Variants in CSMD1 observed in about 807,000 individuals in gnomAD.
CSMD1 encodes the protein CUB and Sushi multiple domains 1, also known as CUB and sushi domain-containing protein 1.
CSMD1 carries 213 observed loss-of-function variants against 417.5 expected under a neutral mutation model. The observed-to-expected ratio is 0.51, with a 90% CI of 0.46 to 0.57. The LOEUF is 0.57. Ranked by LOEUF, CSMD1 falls within the 20% of genes least tolerant of loss-of-function variation. The pLI is 0.00. For synonymous variants in CSMD1, 2,862 were observed against 1,736.8 expected, an observed-to-expected ratio of 1.65 and a Z score of -16.11; for missense variants, 6,923 against 4,529.7, an observed-to-expected ratio of 1.53 and a Z score of -15.17.
intron 5 of CSMD1, among the ~76,000 whole-genome samples, chr8:3,787,348 G>C (rs1035193357): frequency 6.6e-6 from 1 of 152,150 alleles, no homozygotes; most frequent in African/African-American, 2.4e-5. Flanking sequence ...GTTCAATGTT[G>C]ATGCCATTTT....
At chr8:3,196,691 G>C (rs1038468321) in intron 33 of CSMD1, among the ~76,000 whole-genome samples, 9 of 152,268 alleles carry the variant, frequency 5.9e-5, no homozygotes, top group African/African-American at 2.2e-4. Context: ...CAGGACTCAT[G>C]CCTGAGCCAC....
chr8:4,219,515 G>A (rs1208792851), intron 3 of CSMD1, among the ~76,000 whole-genome samples: 1 of 151,684 alleles, frequency 6.6e-6, no homozygotes, highest in East Asian at 1.9e-4. Context: ...AACATTTCTC[G>A]TGAACACCGC....
rs180899791 is a variant in CSMD1, at chr8:4,556,109, C to T, written c.302+81233G>A. ...GGAATGTTTGCATCAAATGGAAAAA[C>T]AAAATAACGCAGACATTAAGATTTA... On this transcript the variant is annotated intron_variant, in intron 2 of 69. Coordinates refer to ENST00000635120, the MANE Select transcript of CSMD1 (RefSeq NM_033225.6). Among the ~76,000 whole-genome samples, 658 of 152,092 alleles carry T rather than the reference C, an allele frequency of 4.3e-3. 7 individuals carry two copies. Among genetic ancestry groups the T allele is most frequent in the African/African-American group, 0.014 (598 of 41,510 alleles).
intron 3 of CSMD1, among the ~76,000 whole-genome samples, chr8:4,145,678 C>G (rs1050770279): frequency 1.3e-5 from 2 of 150,964 alleles, no homozygotes; most frequent in Non-Finnish European, 2.9e-5. Flanking sequence ...CTCACAACAC[C>G]ACACCTGGCC....
At chr8:3,325,031 T>C (rs1806436165) in intron 23 of CSMD1, among the ~76,000 whole-genome samples, 1 of 152,238 alleles carries the variant, frequency 6.6e-6, no homozygotes, top group Non-Finnish European at 1.5e-5. Context: ...AATGTTTTTA[T>C]GTCAGAATTT....
At chr8:4,079,947 T>TA (rs1800039340) in intron 3 of CSMD1, among the ~76,000 whole-genome samples, 1 of 148,176 alleles carries the variant, frequency 6.7e-6, no homozygotes, top group South Asian at 2.1e-4. Context: ...CATGGAGTTG[T>TA]AAAAATAATA....
chr8:3,257,937 C>T (rs1442530129), intron 26 of CSMD1, among the ~76,000 whole-genome samples: 3 of 152,046 alleles, frequency 2.0e-5, no homozygotes, highest in African/African-American at 7.2e-5. Context: ...ATTAATGTAG[C>T]CACTGTGTTC....
At chr8:3,661,222 A>G (rs1223610547) in intron 7 of CSMD1, among the ~76,000 whole-genome samples, 1 of 152,192 alleles carries the variant, frequency 6.6e-6, no homozygotes, top group Non-Finnish European at 1.5e-5. Flanking sequence ...ATTTACGAGT[A>G]TGCATCTGTA....
intron 39 of CSMD1, among the ~76,000 whole-genome samples, chr8:3,157,421 C>G (rs962579653): frequency 1.3e-5 from 2 of 152,200 alleles, no homozygotes; most frequent in African/African-American, 4.8e-5. Context: ...ATTGTGCCCC[C>G]AGGAGCGCAT....
At chr8:4,103,724 A>G (rs546011891) in intron 3 of CSMD1, among the ~76,000 whole-genome samples, 4 of 152,294 alleles carry the variant, frequency 2.6e-5, no homozygotes, top group African/African-American at 9.6e-5. Context: ...GAGTTCCTTT[A>G]TCCAAGACTT....
At chr8:4,980,294 A>G (rs1284231356) in intron 1 of CSMD1, among the ~76,000 whole-genome samples, 1 of 152,126 alleles carries the variant, frequency 6.6e-6, no homozygotes, top group Non-Finnish European at 1.5e-5. Flanking sequence ...CTCTTCCCAG[A>G]GTGTAGCCAC....
chr8:3,670,760 G>A (rs1220439667), intron 7 of CSMD1, among the ~76,000 whole-genome samples: 1 of 136,908 alleles, frequency 7.3e-6, no homozygotes, highest in Non-Finnish European at 1.6e-5. Flanking sequence ...GGATATATAT[G>A]TATGGGATAT....
chr8:4,500,677 CTG>C (rs999951207), intron 2 of CSMD1, among the ~76,000 whole-genome samples: 1 of 152,102 alleles, frequency 6.6e-6, no homozygotes, highest in African/African-American at 2.4e-5. Flanking sequence ...GCTCTGGACA[CTG>C]TGGGAGTGGT....
At chr8:4,212,421 C>T (rs1344517467) in intron 3 of CSMD1, among the ~76,000 whole-genome samples, 3 of 152,064 alleles carry the variant, frequency 2.0e-5, no homozygotes, top group Admixed American at 6.5e-5. Flanking sequence ...TTGACATTAA[C>T]GTCCCAGGTA....
At chr8:3,912,729 G>C (rs1189279323) in intron 5 of CSMD1, among the ~76,000 whole-genome samples, 1 of 152,160 alleles carries the variant, frequency 6.6e-6, no homozygotes, top group African/African-American at 2.4e-5. Flanking sequence ...TGTCCAAGAT[G>C]AGCCTGAAGA....
chr8:3,794,523 T>C (rs1799934305), intron 5 of CSMD1, among the ~76,000 whole-genome samples: 1 of 152,190 alleles, frequency 6.6e-6, no homozygotes, highest in Non-Finnish European at 1.5e-5. Context: ...TGTGTTATAA[T>C]ACTAAAATAA....
At chr8:3,278,207 A>T (rs902228573) in intron 26 of CSMD1, among the ~76,000 whole-genome samples, 12 of 152,226 alleles carry the variant, frequency 7.9e-5, no homozygotes, top group Non-Finnish European at 1.6e-4. Context: ...GAGAGAGTCA[A>T]ATAAGTGTTT....
intron 3 of CSMD1, among the ~76,000 whole-genome samples, chr8:4,160,233 A>G (rs1242864043): frequency 6.6e-6 from 1 of 152,282 alleles, no homozygotes; most frequent in East Asian, 1.9e-4. Context: ...GTTCTTTCTA[A>G]AGTCTAACTT....
At chr8:4,518,945 C>T (rs1803276517) in intron 2 of CSMD1, among the ~76,000 whole-genome samples, 1 of 152,014 alleles carries the variant, frequency 6.6e-6, no homozygotes, top group Non-Finnish European at 1.5e-5. Context: ...GCCTAATAGA[C>T]ACATTCTCCC....
Sources: gnomAD v4.1 joint callset for allele counts (sites outside exome capture counted in the v4.1 genomes callset) on GRCh38, gnomAD v4.1.1 for gene constraint, MANE v1.5 for transcripts, NCBI Gene and HGNC (gene_info 2026-07-23, HGNC 2026-07-21) for gene names.